Variants in NHLRC2 observed in about 807,000 individuals in gnomAD.
NHLRC2 encodes NHL repeat-containing protein 2.
NHLRC2 carries 33 observed loss-of-function variants against 68.1 expected under a neutral mutation model. The observed-to-expected ratio is 0.48, with a 90% confidence interval of 0.37 to 0.65. The LOEUF is 0.65. Among genes scored for constraint, NHLRC2 ranks in the 30% least tolerant of loss-of-function variants. The pLI is 0.00. For missense variants in NHLRC2, 761 were observed against 853.8 expected (o/e 0.89, Z 1.35); for synonymous variants, 311 against 309.6 (o/e 1.00, Z -0.05).
chr10:113,915,298 C>T lies in NHLRC2; in HGVS notation c.*6762C>T, dbSNP rs1254009574. The T allele has an allele frequency of 8.8e-6, 4 of 452,582 alleles. No homozygotes were observed. Among genetic ancestry groups the T allele is most frequent in the Admixed American group, 7.1e-5 (3 of 42,268 alleles). The allele number at this position is 452,582 out of a possible 1,614,324, so 28.0% of individuals were successfully genotyped here. On this transcript the variant is annotated 3_prime_UTR_variant, in exon 11 of 11. Transcript: ENST00000369301. ...CAGCCATATACTAAAAAGCACTAAA[C>T]AAGCACAAATGAACACTAAATAGCC...
intron 8 of NHLRC2, 106 bp downstream of exon 8, chr10:113,902,699 G>C (rs1444872807): frequency 5.1e-6 from 5 of 973,068 alleles, no homozygotes; most frequent in Non-Finnish European, 7.9e-6. Context: ...ATATAGAAAG[G>C]AGTAACAGTC....
In NHLRC2 at chr10:113,894,512, A is replaced by G. The variant is rs368531734; in HGVS notation, c.1040-3598A>G. The stretch of plus-strand genomic sequence containing the variant: ...TTGTGAAGATTTTGTGTGCATAGTT[A>G]TGTCATCTGCTAATAACTACAGTTT... On this transcript the variant is annotated intron_variant, in intron 5 of 10. Transcript: ENST00000369301. Among the ~76,000 whole-genome samples, 16 of 152,272 alleles carry G rather than the reference A, an allele frequency of 1.1e-4. No individual in the cohort carries two copies. The East Asian group carries it at 2.5e-3, about 24-fold the overall frequency.
In NHLRC2 at chr10:113,876,605, A is replaced by G; in HGVS notation, c.416A>G (p.Tyr139Cys). The change falls in exon 3 of 11, where the codon TAC becomes TGC. Residue 139 changes from tyrosine to cysteine, a missense_variant. Tyr to Cys is a radical substitution (Grantham distance 194). Coordinates refer to ENST00000369301, the MANE Select transcript of NHLRC2 (RefSeq NM_198514.4). ...AACATTAAGAGTGCTGTTCTTCGAT[A>G]CAACATCACCCACCCTATGGTTAAT... ...LDNIKSAVLR[Y>C]NITHPMVNDA... The G allele has an allele frequency of 1.9e-6, 3 of 1,613,616 alleles. No homozygotes were observed. The highest frequency in any genetic ancestry group is 2.5e-6 in the Non-Finnish European group (3 of 1,179,598).
In NHLRC2 at chr10:113,879,595, A is replaced by T; in HGVS notation, c.809A>T (p.Asp270Val). The T allele has an allele frequency of 6.2e-7, 1 of 1,603,322 alleles. No homozygotes were observed. The highest frequency in any genetic ancestry group is 8.5e-7 in the Non-Finnish European group (1 of 1,174,558). Residue 270 changes from aspartate to valine, a missense_variant, in exon 4 of 11, where the codon GAT (aspartate) becomes GTT (valine). Physicochemically the swap from Asp to Val is radical, Grantham distance 152. Transcript: ENST00000369301. ...SIGGPNPGRKDGIFSESTFNS... is the reference protein window; with the variant it reads ...SIGGPNPGRKVGIFSESTFNS... ...TTAGGACCCAACCCTGGAAGAAAAG[A>T]TGGAATATTTTCAGAATCAACTTTT...
intron 4 of NHLRC2, among the ~76,000 whole-genome samples, chr10:113,883,382 C>T (rs1270229641): frequency 6.6e-6 from 1 of 151,790 alleles, no homozygotes; most frequent in African/African-American, 2.4e-5. Flanking sequence ...ACATTTTCTC[C>T]AGAAGTTTAA....
At position 113,890,985 on chromosome 10, in the gene NHLRC2, C is replaced by G. The variant is rs76426608; in HGVS notation, c.1039+6605C>G. The stretch of plus-strand genomic sequence containing the variant: ...CCAGACAGTTACTAAGCAACCAGAT[C>G]TCGTAAGAACTCATTCACTATCATG... On this transcript the variant is annotated intron_variant, in intron 5 of 10. Coordinates refer to ENST00000369301, the MANE Select transcript of NHLRC2 (RefSeq NM_198514.4). Among the ~76,000 whole-genome samples, 332 of 152,250 alleles carry G rather than the reference C, an allele frequency of 2.2e-3. 3 individuals carry two copies. The highest frequency in any genetic ancestry group is 7.1e-3 in the African/African-American group (296 of 41,550).
rs1171912595 is a variant in NHLRC2 at position 113,903,844 on chromosome 10, T to C, written c.1704+108T>C. 5.8e-6 allele frequency: 4 copies of C among 694,698 alleles called. No individual in the cohort carries two copies. The African/African-American group carries it at 7.3e-5, about 13-fold the overall frequency. 43.0% of individuals were successfully genotyped at this position (694,698 alleles called of 1,614,324 possible). A position where few individuals can be genotyped will look rare whatever the true frequency, so the allele number is the denominator to read the frequency against. On this transcript the variant is annotated intron_variant, in intron 9 of 10. Transcript: ENST00000369301. ...TGGTTAGACCATCTCCAGGAGAGTA[T>C]TAAGTGGATGCTTCTGTTGTATTCT...
At chr10:113,868,280 G>A (rs1168846809) in intron 2 of NHLRC2, among the ~76,000 whole-genome samples, 1 of 151,874 alleles carries the variant, frequency 6.6e-6, no homozygotes. Flanking sequence ...CCTCTTTCCT[G>A]TCTCCCTCTC....
rs571683757 is a variant in NHLRC2 at position 113,863,469 on chromosome 10, T to C, written c.331+4789T>C. On this transcript the variant is annotated intron_variant, in intron 2 of 10. Coordinates refer to ENST00000369301, the MANE Select transcript of NHLRC2 (RefSeq NM_198514.4). The stretch of plus-strand genomic sequence containing the variant: ...TTATGGCACATGGTGAAAACAGGGC[T>C]AAGGAAGAAATTTATGGTTATAAAT... 3.3e-5 allele frequency among the ~76,000 whole-genome samples: 5 copies of C among 152,144 alleles called. 1 individual carries two copies. The South Asian group carries it at 8.3e-4, about 25-fold the overall frequency.
rs1846247325 is a variant in NHLRC2, at chr10:113,903,610, T to C, written c.1578T>C (p.Phe526=). 2 of 1,611,680 alleles carry C rather than the reference T, an allele frequency of 1.2e-6. No individual in the cohort carries two copies. Among genetic ancestry groups the C allele is most frequent in the Non-Finnish European group, 1.7e-6 (2 of 1,177,998 alleles). ...CAAATAATGTTACCAGTTCCAGTTT[T>C]ACAGAGTCAACTTTTAATGAACCAG... ...GDTNNVTSSS[F]TESTFNEPGG... The change falls in exon 9 of 11, where the codon TTT becomes TTC. Residue 526 remains phenylalanine (F), a synonymous_variant. Coordinates refer to ENST00000369301, the MANE Select transcript of NHLRC2 (RefSeq NM_198514.4).
chr10:113,882,416 C>G (rs1164356923), intron 4 of NHLRC2, among the ~76,000 whole-genome samples: 1 of 151,786 alleles, frequency 6.6e-6, no homozygotes, highest in Non-Finnish European at 1.5e-5. Context: ...GAAGTGGCAT[C>G]TCATTGTGGT....
At chr10:113,882,140 C>A (rs1431627865) in intron 4 of NHLRC2, among the ~76,000 whole-genome samples, 1 of 151,648 alleles carries the variant, frequency 6.6e-6, no homozygotes, top group Non-Finnish European at 1.5e-5. Flanking sequence ...TTATTTTGGG[C>A]TGTTATGAAT....
At chr10:113,856,820 C>T (rs1845763996) in intron 1 of NHLRC2, among the ~76,000 whole-genome samples, 1 of 152,270 alleles carries the variant, frequency 6.6e-6, no homozygotes, top group East Asian at 1.9e-4. Context: ...AAACTATAAT[C>T]AGGAAGTCAT....
rs535653095 is a variant in NHLRC2 at position 113,865,653 on chromosome 10, T to C, written c.331+6973T>C. Among the ~76,000 whole-genome samples the C allele has an allele frequency of 2.0e-5, 3 of 151,610 alleles. No homozygotes were observed. In the South Asian group the frequency reaches 6.3e-4, roughly 32 times the overall value. ...GATACATGTGCTGAACATGCAGGTTTGTTACATAGTGGAATAAATTTTTAA... is the reference window on the plus strand; with the variant it reads ...GATACATGTGCTGAACATGCAGGTTCGTTACATAGTGGAATAAATTTTTAA... On this transcript the variant is annotated intron_variant, in intron 2 of 10. Transcript: ENST00000369301.
chr10:113,898,759 G>C (rs377152738), intron 6 of NHLRC2, among the ~76,000 whole-genome samples: 7 of 152,312 alleles, frequency 4.6e-5, no homozygotes, highest in African/African-American at 1.7e-4. Flanking sequence ...AGTCAGGCCT[G>C]AGGTTGAATC....
At chr10:113,870,662 A>G (rs1007696692) in intron 2 of NHLRC2, among the ~76,000 whole-genome samples, 35 of 152,180 alleles carry the variant, frequency 2.3e-4, no homozygotes, top group Admixed American at 2.0e-4. Flanking sequence ...TAAAAGTGGC[A>G]TTGCTGGGTC....
chr10:113,869,481 G>C (rs1845901852), intron 2 of NHLRC2, among the ~76,000 whole-genome samples: 1 of 152,102 alleles, frequency 6.6e-6, no homozygotes, highest in Non-Finnish European at 1.5e-5. Flanking sequence ...CTGTATGTTT[G>C]TTCTCATTTT....
At chr10:113,884,530 A>T (rs780391464) in intron 5 of NHLRC2, 150 bp downstream of exon 5, 25 of 496,550 alleles carry the variant, frequency 5.0e-5, no homozygotes, top group Non-Finnish European at 8.1e-5. Context: ...ATTGTGTAAA[A>T]ACAAAGCTAG....
intron 5 of NHLRC2, among the ~76,000 whole-genome samples, chr10:113,886,256 A>T (rs1846081683): frequency 2.0e-5 from 3 of 152,184 alleles, no homozygotes; most frequent in African/African-American, 7.2e-5. Flanking sequence ...ATAAATGGAG[A>T]GATATTCCAT....
Sources: gnomAD v4.1 joint callset for allele counts (sites outside exome capture counted in the v4.1 genomes callset) on GRCh38, gnomAD v4.1.1 for gene constraint, MANE v1.5 for transcripts, NCBI Gene and HGNC (gene_info 2026-07-23, HGNC 2026-07-21) for gene names.